ADAMTSL3: variants seen among roughly 807,000 people sequenced by gnomAD.
The protein encoded by ADAMTSL3 is ADAMTS like 3.
In ADAMTSL3, 128 loss-of-function variants were observed where a neutral mutation model predicts 201.7. The observed-to-expected ratio is 0.63, with a 90% CI of 0.55 to 0.73. The LOEUF (loss-of-function observed/expected upper bound fraction) is 0.73. Among genes scored for constraint, ADAMTSL3 ranks in the 30% least tolerant of loss-of-function variants. The probability of loss-of-function intolerance (pLI) is 0.00; values close to 1 mark genes in which losing one functional copy is unlikely to be tolerated. For missense variants in ADAMTSL3, 1,990 were observed against 2,119.6 expected (o/e 0.94, Z 1.20); for synonymous variants, 738 against 748.4 (o/e 0.99, Z 0.23).
At chr15:83,873,136 C>A (rs146451792) in intron 9 of ADAMTSL3, among the ~76,000 whole-genome samples, 5,210 of 144,020 alleles carry the variant, frequency 0.036, 599 homozygotes, top group Non-Finnish European at 0.052. Flanking sequence ...GAAACCTCAT[C>A]TCTACTAAAA....
chr15:83,827,241 TTCA>T (rs1214219109), intron 6 of ADAMTSL3, among the ~76,000 whole-genome samples: 1 of 152,262 alleles, frequency 6.6e-6, no homozygotes, highest in Non-Finnish European at 1.5e-5. Flanking sequence ...TGGTTTTGAT[TTCA>T]TTTCTCTGAT....
At chr15:83,658,257 C>G (rs1299004595) in intron 2 of ADAMTSL3, among the ~76,000 whole-genome samples, 1 of 152,100 alleles carries the variant, frequency 6.6e-6, no homozygotes, top group Non-Finnish European at 1.5e-5. Flanking sequence ...TACAGGCGCA[C>G]ACTACCACAT....
chr15:83,890,021 A>C (rs1363595829), intron 10 of ADAMTSL3, 88 bp from the exon 11 acceptor site: 4 of 1,099,678 alleles, frequency 3.6e-6, no homozygotes, highest in Non-Finnish European at 4.9e-6. Flanking sequence ...CTTAAAGAGG[A>C]AAAAAAAAAG....
At chr15:83,987,875 T>C (rs1052231857) in intron 21 of ADAMTSL3, among the ~76,000 whole-genome samples, 52 of 152,140 alleles carry the variant, frequency 3.4e-4, no homozygotes, top group African/African-American at 1.2e-3. Flanking sequence ...AGGGGAAAAA[T>C]AGTATATAAA....
At chr15:83,885,273 A>G in intron 10 of ADAMTSL3, 61 bp downstream of exon 10, 1 of 1,296,248 alleles carries the variant, frequency 7.7e-7, no homozygotes, top group Non-Finnish European at 1.1e-6. Flanking sequence ...TTAGACATTT[A>G]CATTTTTGAA....
At chr15:83,796,219 A>T (rs980686831) in intron 4 of ADAMTSL3, among the ~76,000 whole-genome samples, 1 of 152,212 alleles carries the variant, frequency 6.6e-6, no homozygotes, top group Non-Finnish European at 1.5e-5. Context: ...GCTAGAAAAA[A>T]AATGAAATAG....
rs527256534 is a variant in ADAMTSL3 at position 83,760,205 on chromosome 15, C to G, written c.190-13318C>G. Among the ~76,000 whole-genome samples the G allele has an allele frequency of 2.0e-5, 3 of 152,252 alleles. No individual in the cohort carries two copies. In the South Asian group the frequency reaches 6.2e-4, roughly 32 times the overall value. ...ACTACAGATCCCCTTCCAAGCATAG[C>G]TTTAGCTGCTTTACTCACGTTTTGG... On this transcript the variant is annotated intron_variant, in intron 3 of 29. Coordinates refer to ENST00000286744, the MANE Select transcript of ADAMTSL3 (RefSeq NM_207517.3).
chr15:83,994,330 G>T (rs1259502998), intron 23 of ADAMTSL3, among the ~76,000 whole-genome samples: 1 of 152,132 alleles, frequency 6.6e-6, no homozygotes, highest in African/African-American at 2.4e-5. Flanking sequence ...ACTGTGGATG[G>T]CACCTGACAT....
intron 3 of ADAMTSL3, among the ~76,000 whole-genome samples, chr15:83,745,323 T>C (rs2062527553): frequency 6.6e-6 from 1 of 152,176 alleles, no homozygotes; most frequent in Non-Finnish European, 1.5e-5. Flanking sequence ...TTGGGTGCCA[T>C]TTGTGTGGAT....
intron 3 of ADAMTSL3, among the ~76,000 whole-genome samples, chr15:83,748,841 T>A (rs1401783407): frequency 6.6e-6 from 1 of 151,848 alleles, no homozygotes; most frequent in Non-Finnish European, 1.5e-5. Flanking sequence ...TAAAGAGGAG[T>A]GGCCTGGGGA....
Position 83,925,281 on chromosome 15 carries a change from G to A in ADAMTSL3, c.2117+1248G>A, listed in dbSNP as rs570566747. ...CCTCATCCTTGGTGAAATCACACCC[G>A]CCATGTAATGTAGGATACAGTGTTT... On this transcript the variant is annotated intron_variant, in intron 17 of 29. Transcript: ENST00000286744. 1.1e-4 allele frequency among the ~76,000 whole-genome samples: 17 copies of A among 152,242 alleles called. No homozygotes were observed. The South Asian group carries it at 1.2e-3, about 11-fold the overall frequency.
At chr15:83,704,855 C>A (rs2061825398) in intron 3 of ADAMTSL3, among the ~76,000 whole-genome samples, 1 of 152,262 alleles carries the variant, frequency 6.6e-6, no homozygotes, top group African/African-American at 2.4e-5. Flanking sequence ...TCTTTGCCCT[C>A]AGCTTTTACT....
chr15:83,669,873 C>T (rs537110915), intron 2 of ADAMTSL3, among the ~76,000 whole-genome samples: 5 of 152,158 alleles, frequency 3.3e-5, no homozygotes, highest in South Asian at 4.2e-4. Context: ...ACTCTCACAA[C>T]CCTCATAAAT....
chr15:83,803,127 G>T (rs557939355), intron 4 of ADAMTSL3, among the ~76,000 whole-genome samples: 127 of 152,266 alleles, frequency 8.3e-4, no homozygotes, highest in African/African-American at 2.3e-3. Context: ...TGAATTAACA[G>T]TATGATTTTC....
intron 7 of ADAMTSL3, among the ~76,000 whole-genome samples, chr15:83,844,714 T>C (rs149407660): frequency 6.6e-6 from 1 of 152,332 alleles, no homozygotes; most frequent in African/African-American, 2.4e-5. Context: ...TGGGTTCTAG[T>C]CCTTGCCTAG....
At chr15:83,933,729 C>G (rs746509257) in intron 17 of ADAMTSL3, among the ~76,000 whole-genome samples, 15 of 152,232 alleles carry the variant, frequency 9.9e-5, no homozygotes, top group Non-Finnish European at 8.8e-5. Context: ...GTTTCATGCT[C>G]TAGTCCCAGG....
chr15:84,007,146 G>A (rs2067909742), intron 23 of ADAMTSL3, among the ~76,000 whole-genome samples: 2 of 152,150 alleles, frequency 1.3e-5, no homozygotes, highest in Admixed American at 6.5e-5. Context: ...ATTTTCTTTT[G>A]GAATGTAACT....
intron 3 of ADAMTSL3, among the ~76,000 whole-genome samples, chr15:83,724,822 G>T (rs2062150030): frequency 6.6e-6 from 1 of 151,944 alleles, no homozygotes. Flanking sequence ...TCTGTACCTG[G>T]TTTATTTCAC....
Position 83,819,881 on chromosome 15 carries a change from G to T in ADAMTSL3, c.434G>T (p.Gly145Val), listed in dbSNP as rs774420051. 3 of 1,614,060 alleles carry T rather than the reference G, an allele frequency of 1.9e-6. No homozygotes were observed. The highest frequency in any genetic ancestry group is 1.3e-5 in the African/African-American group (1 of 75,010). ...CSAYNDVQYQ[G>V]HYYEWLPRYN... Reference sequence around the variant, plus strand: ...GCCTACAATGATGTCCAGTATCAGGGGCATTACTATGAATGGCTTCCACGA... The same window carrying T: ...GCCTACAATGATGTCCAGTATCAGGTGCATTACTATGAATGGCTTCCACGA... The change falls in exon 6 of 30, where the codon GGG (glycine) becomes GTG (valine). Residue 145 changes from glycine (G) to valine (V), a missense_variant. By Grantham distance (109) the Gly-to-Val change is moderately radical. Coordinates refer to ENST00000286744, the MANE Select transcript of ADAMTSL3 (RefSeq NM_207517.3).
Sources: allele counts gnomAD v4.1 joint callset (sites outside exome capture counted in the v4.1 genomes callset), GRCh38; gene constraint gnomAD v4.1.1; transcripts MANE v1.5; gene names NCBI Gene and HGNC (gene_info 2026-07-23, HGNC 2026-07-21).